The following GPR158 variants were observed in gnomAD, a reference collection of about 807,000 sequenced individuals.
GPR158 encodes the protein metabotropic glycine receptor.
In GPR158, 30 loss-of-function variants were observed where a neutral mutation model predicts 78.2. The ratio of observed to expected loss-of-function variants is 0.38; its 90% confidence interval spans 0.29 to 0.52. The LOEUF is 0.52. Ranked by LOEUF, GPR158 falls within the 20% of genes least tolerant of loss-of-function variation. The pLI, the probability that GPR158 is intolerant of heterozygous loss-of-function variation, is 0.83. For synonymous variants in GPR158, 581 were observed against 591.1 expected (o/e 0.98, Z 0.25); for missense variants, 1,463 against 1,523.5 (o/e 0.96, Z 0.66).
intron 5 of GPR158, among the ~76,000 whole-genome samples, chr10:25,487,519 C>T (rs921460796): frequency 4.6e-5 from 7 of 152,164 alleles, no homozygotes; most frequent in Admixed American, 1.3e-4. Context: ...CTAGTGTTCA[C>T]AGTCACAGTA....
At chr10:25,311,842 A>G (rs769373148) in intron 2 of GPR158, among the ~76,000 whole-genome samples, 3 of 151,972 alleles carry the variant, frequency 2.0e-5, no homozygotes, top group African/African-American at 2.4e-5. Flanking sequence ...TTTTAACTGT[A>G]TGTTTGCACG....
intron 5 of GPR158, among the ~76,000 whole-genome samples, chr10:25,522,256 C>A (rs1000172277): frequency 2.0e-4 from 30 of 152,148 alleles, no homozygotes; most frequent in African/African-American, 7.0e-4. Flanking sequence ...ATATTTAGAT[C>A]CACGTTTTCA....
intron 4 of GPR158, among the ~76,000 whole-genome samples, chr10:25,438,337 G>T (rs569655432): frequency 6.6e-6 from 1 of 152,186 alleles, no homozygotes; most frequent in Non-Finnish European, 1.5e-5. Context: ...ATCAAAGGAA[G>T]AAGAGGCAAA....
At chr10:25,270,953 T>C (rs1406946119) in intron 2 of GPR158, among the ~76,000 whole-genome samples, 4 of 152,206 alleles carry the variant, frequency 2.6e-5, no homozygotes, top group Admixed American at 2.6e-4. Flanking sequence ...TATCAAGACC[T>C]ATAAAGTCCT....
intron 2 of GPR158, among the ~76,000 whole-genome samples, chr10:25,303,123 T>G (rs948371016): frequency 4.6e-5 from 7 of 152,234 alleles, no homozygotes; most frequent in African/African-American, 1.4e-4. Context: ...CAAAGCTGGC[T>G]ACTGTGAATA....
At chr10:25,459,653 TTCTTC>T (rs1423990233) in intron 4 of GPR158, among the ~76,000 whole-genome samples, 1 of 152,170 alleles carries the variant, frequency 6.6e-6, no homozygotes, top group Non-Finnish European at 1.5e-5. Context: ...GCCTTGAGCA[TTCTTC>T]TCTTCTTATT....
chr10:25,546,165 C>G (rs1222250770), intron 5 of GPR158, among the ~76,000 whole-genome samples: 6 of 152,138 alleles, frequency 3.9e-5, no homozygotes, highest in African/African-American at 1.2e-4. Flanking sequence ...TGTGTCTGCT[C>G]AGCAGACACA....
chr10:25,252,795 G>A (rs1853827843), intron 2 of GPR158, among the ~76,000 whole-genome samples: 1 of 152,144 alleles, frequency 6.6e-6, no homozygotes, highest in South Asian at 2.1e-4. Flanking sequence ...CCCAGAGGTG[G>A]AGGCTACAGA....
intron 1 of GPR158, among the ~76,000 whole-genome samples, chr10:25,194,672 C>T (rs1588728382): frequency 6.6e-6 from 1 of 152,096 alleles, no homozygotes; most frequent in Admixed American, 6.5e-5. Flanking sequence ...TAGTCACAAT[C>T]GAAAACTGGC....
intron 2 of GPR158, among the ~76,000 whole-genome samples, chr10:25,372,475 T>C (rs940088193): frequency 2.1e-5 from 3 of 143,924 alleles, no homozygotes; most frequent in African/African-American, 7.9e-5. Context: ...CCAACAATGA[T>C]AGACTGGATT....
chr10:25,506,548 C>T (rs191399020), intron 5 of GPR158, among the ~76,000 whole-genome samples: 4 of 152,340 alleles, frequency 2.6e-5, no homozygotes, highest in Admixed American at 1.3e-4. Context: ...CCTTTTATCA[C>T]AGGCGTTCTT....
intron 5 of GPR158, among the ~76,000 whole-genome samples, chr10:25,509,832 G>A (rs571282894): frequency 3.5e-4 from 53 of 152,308 alleles, no homozygotes; most frequent in African/African-American, 1.2e-3. Flanking sequence ...TCCTGCCTCA[G>A]CCTCCTGAGT....
chr10:25,386,748 A>G (rs1834227490), intron 2 of GPR158, among the ~76,000 whole-genome samples: 1 of 152,070 alleles, frequency 6.6e-6, no homozygotes, highest in Admixed American at 6.5e-5. Flanking sequence ...GACTGTTTCT[A>G]AACTTACTTT....
At chr10:25,558,717 A>C (rs1431529419) in intron 6 of GPR158, among the ~76,000 whole-genome samples, 1 of 152,250 alleles carries the variant, frequency 6.6e-6, no homozygotes, top group African/African-American at 2.4e-5. Context: ...CATTCAGTTC[A>C]AAATAATTTC....
intron 4 of GPR158, among the ~76,000 whole-genome samples, chr10:25,459,001 A>G (rs1835324438): frequency 6.6e-6 from 1 of 152,218 alleles, no homozygotes; most frequent in African/African-American, 2.4e-5. Context: ...TCTTCTTAAC[A>G]TAAGCTAACT....
At chr10:25,296,825 G>T (rs1484818155) in intron 2 of GPR158, among the ~76,000 whole-genome samples, 4 of 152,186 alleles carry the variant, frequency 2.6e-5, no homozygotes, top group African/African-American at 9.7e-5. Context: ...TTAGGGAGTG[G>T]TGAGTCTAGG....
At chr10:25,481,430 T>A (rs958495214) in intron 5 of GPR158, among the ~76,000 whole-genome samples, 5 of 152,152 alleles carry the variant, frequency 3.3e-5, no homozygotes, top group Non-Finnish European at 7.3e-5. Flanking sequence ...GATATCTGGA[T>A]TGACCACCTT....
intron 2 of GPR158, among the ~76,000 whole-genome samples, chr10:25,275,269 A>T (rs910874469): frequency 6.6e-6 from 1 of 152,192 alleles, no homozygotes; most frequent in Non-Finnish European, 1.5e-5. Flanking sequence ...GGAACCTGTC[A>T]GGAGCAAGGT....
intron 1 of GPR158, among the ~76,000 whole-genome samples, chr10:25,213,492 T>G (rs941767234): frequency 1.3e-5 from 2 of 152,196 alleles, no homozygotes; most frequent in Admixed American, 1.3e-4. Flanking sequence ...ACATAATTAT[T>G]TTAATATATG....
Sources: gnomAD v4.1 joint callset for allele counts (sites outside exome capture counted in the v4.1 genomes callset) on GRCh38, gnomAD v4.1.1 for gene constraint, MANE v1.5 for transcripts, NCBI Gene and HGNC (gene_info 2026-07-23, HGNC 2026-07-21) for gene names.